ASIC2: variants seen among roughly 807,000 people sequenced by gnomAD.
The protein encoded by ASIC2 is acid sensing ion channel subunit 2.
A neutral mutation model predicts 57.3 loss-of-function variants in ASIC2; 25 were observed. The ratio of observed to expected loss-of-function variants is 0.44; its 90% CI spans 0.32 to 0.61. The LOEUF (loss-of-function observed/expected upper bound fraction) is 0.61, where lower values mean the gene tolerates loss of function less well. Among genes scored for constraint, ASIC2 ranks in the 20% least tolerant of loss-of-function variants. ASIC2 has a pLI of 0.06. For synonymous variants in ASIC2, 319 were observed against 307.5 expected, an observed-to-expected ratio of 1.04 and a Z score of -0.39; for missense variants, 641 against 738.1, an observed-to-expected ratio of 0.87 and a Z score of 1.52.
intron 1 of ASIC2, among the ~76,000 whole-genome samples, chr17:33,438,826 G>C (rs914392570): frequency 6.7e-6 from 1 of 149,098 alleles, no homozygotes; most frequent in African/African-American, 2.5e-5. Flanking sequence ...CTGGGGTGGA[G>C]AAATAATGAT....
chr17:33,551,951 T>G, intron 1 of ASIC2, among the ~76,000 whole-genome samples: 1 of 152,010 alleles, frequency 6.6e-6, no homozygotes, highest in East Asian at 1.9e-4. Context: ...GTGTGAGAAA[T>G]GAGATGTGTT....
chr17:33,502,254 G>A (rs565791357), intron 1 of ASIC2, among the ~76,000 whole-genome samples: 1 of 152,268 alleles, frequency 6.6e-6, no homozygotes, highest in East Asian at 1.9e-4. Flanking sequence ...AAAACAGGGT[G>A]GTGGCAACAT....
intron 1 of ASIC2, among the ~76,000 whole-genome samples, chr17:33,557,601 T>G (rs1915946597): frequency 6.6e-6 from 1 of 152,216 alleles, no homozygotes; most frequent in Non-Finnish European, 1.5e-5. Context: ...AGAAAGAAGA[T>G]GAGCCTTAGA....
rs536457288 is a variant in ASIC2, at chr17:33,643,304, T to A, written c.555+512674A>T. Reference sequence around the variant, plus strand: ...CTGTGATTCAGTGAAATATGGCATATGTGTAACTTAAAAATACTTTTTATA... The same window carrying A: ...CTGTGATTCAGTGAAATATGGCATAAGTGTAACTTAAAAATACTTTTTATA... On this transcript the variant is annotated intron_variant, in intron 1 of 9. Transcript: ENST00000359872. Among the ~76,000 whole-genome samples, 4 of 152,362 alleles carry A rather than the reference T, an allele frequency of 2.6e-5. No individual in the cohort carries two copies. In the South Asian group the frequency reaches 8.3e-4, roughly 32 times the overall value.
At chr17:33,944,025 T>C (rs1409333392) in intron 1 of ASIC2, among the ~76,000 whole-genome samples, 1 of 152,110 alleles carries the variant, frequency 6.6e-6, no homozygotes, top group Non-Finnish European at 1.5e-5. Flanking sequence ...TAGATAGGAT[T>C]TGTGTCAGCT....
At chr17:33,108,898 G>T (rs1283687299) in intron 2 of ASIC2, among the ~76,000 whole-genome samples, 1 of 146,718 alleles carries the variant, frequency 6.8e-6, no homozygotes, top group African/African-American at 2.5e-5. Flanking sequence ...ATGGGAGGTG[G>T]CTGCAAAAGC....
intron 1 of ASIC2, among the ~76,000 whole-genome samples, chr17:34,141,688 G>A (rs9904044): frequency 0.031 from 4,697 of 152,216 alleles, 226 homozygotes; most frequent in African/African-American, 0.11. Context: ...TAGATTCCTG[G>A]ACATGCTAAG....
chr17:33,201,736 A>T (rs1462795298), intron 1 of ASIC2, among the ~76,000 whole-genome samples: 1 of 152,162 alleles, frequency 6.6e-6, no homozygotes, highest in Non-Finnish European at 1.5e-5. Context: ...CTTCAATAAA[A>T]GCTGCTGTCT....
At chr17:33,458,279 G>A (rs1912520295) in intron 1 of ASIC2, among the ~76,000 whole-genome samples, 1 of 152,246 alleles carries the variant, frequency 6.6e-6, no homozygotes, top group Non-Finnish European at 1.5e-5. Flanking sequence ...AGAGGTCAGA[G>A]TAGATTGAGG....
intron 1 of ASIC2, among the ~76,000 whole-genome samples, chr17:34,115,046 A>G (rs915532008): frequency 9.9e-5 from 15 of 152,224 alleles, no homozygotes; most frequent in African/African-American, 3.1e-4. Flanking sequence ...TTCAGTGACC[A>G]GTAACCTTCA....
rs539462525 is a variant in ASIC2, at chr17:34,156,644, C to G, written c.-112G>C. Reference sequence around the variant, plus strand: ...GACGTTCAGGGGAGAGAACGCAAGGCAAGCATCGCGCCAGATGCTGTGAGT... The same window carrying G: ...GACGTTCAGGGGAGAGAACGCAAGGGAAGCATCGCGCCAGATGCTGTGAGT... On this transcript the variant is annotated 5_prime_UTR_variant, in exon 1 of 10. Coordinates refer to the ASIC2 transcript ENST00000359872. This position sits in a 1 kb window ranked among gnomAD's most constrained non-coding sequence, Gnocchi z 4.4. 2.3e-5 allele frequency: 27 copies of G among 1,151,268 alleles called. No homozygotes were observed. The Middle Eastern group carries it at 9.0e-4, about 38-fold the overall frequency. The allele number at this position is 1,151,268 out of a possible 1,614,324, so 71.3% of individuals were successfully genotyped here. A position where few individuals can be genotyped will look rare whatever the true frequency, so the allele number is the denominator to read the frequency against.
At chr17:33,646,392 A>G (rs561867088) in intron 1 of ASIC2, among the ~76,000 whole-genome samples, 1 of 152,330 alleles carries the variant, frequency 6.6e-6, no homozygotes, top group East Asian at 1.9e-4. Flanking sequence ...AGATCCCAAG[A>G]TGCTAGCATG....
intron 1 of ASIC2, among the ~76,000 whole-genome samples, chr17:33,514,478 A>AG (rs1914511238): frequency 6.6e-6 from 1 of 152,174 alleles, no homozygotes; most frequent in Non-Finnish European, 1.5e-5. Context: ...GGAACAGGCC[A>AG]AAGGGGAGGG....
At chr17:34,155,676 G>A in intron 1 of ASIC2, 2 of 394,474 alleles carry the variant, frequency 5.1e-6, no homozygotes, top group Admixed American at 4.3e-5. Context: ...ACAACGGACA[G>A]CCCAGGCCTC....
intron 1 of ASIC2, among the ~76,000 whole-genome samples, chr17:33,755,054 G>A (rs563669831): frequency 1.3e-5 from 2 of 151,126 alleles, no homozygotes; most frequent in South Asian, 4.2e-4. Flanking sequence ...TTAAGTTAAA[G>A]ATTTTTGAGC....
chr17:33,746,761 G>C (rs1910281099), intron 1 of ASIC2, among the ~76,000 whole-genome samples: 1 of 152,052 alleles, frequency 6.6e-6, no homozygotes, highest in Non-Finnish European at 1.5e-5. Context: ...AATTACAGCA[G>C]AATATACATT....
At chr17:33,085,809 T>C (rs1385348420) in intron 3 of ASIC2, among the ~76,000 whole-genome samples, 1 of 152,236 alleles carries the variant, frequency 6.6e-6, no homozygotes, top group Non-Finnish European at 1.5e-5. Flanking sequence ...GTAAATATAA[T>C]GTATTATTAG....
intron 1 of ASIC2, among the ~76,000 whole-genome samples, chr17:33,966,428 G>A (rs1026606084): frequency 6.6e-6 from 1 of 152,154 alleles, no homozygotes; most frequent in Non-Finnish European, 1.5e-5. Context: ...ATTAAAAGGA[G>A]ATAATGTATG....
At chr17:33,897,758 A>G (rs1915130569) in intron 1 of ASIC2, among the ~76,000 whole-genome samples, 1 of 152,218 alleles carries the variant, frequency 6.6e-6, no homozygotes, top group Non-Finnish European at 1.5e-5. Context: ...TGCAGGGATC[A>G]GGTGGAGCCT....
Sources: gnomAD v4.1 joint callset for allele counts (sites outside exome capture counted in the v4.1 genomes callset) on GRCh38, gnomAD v4.1.1 for gene constraint, Gnocchi (gnomAD v3.1) non-coding constraint, MANE v1.5 for transcripts, NCBI Gene and HGNC (gene_info 2026-07-23, HGNC 2026-07-21) for gene names.